The following HTR4 variants were observed in gnomAD, a reference collection of about 807,000 sequenced individuals.
HTR4 encodes 5-hydroxytryptamine receptor 4.
HTR4 carries 16 observed loss-of-function variants against 36.8 expected under a neutral mutation model. That is an observed-to-expected ratio of 0.43 (90% CI 0.29 to 0.66). HTR4 has a LOEUF of 0.66. Among genes scored for constraint, HTR4 ranks in the 30% least tolerant of loss-of-function variants. The pLI, the probability that HTR4 is intolerant of heterozygous loss-of-function variation, is 0.13. For synonymous variants in HTR4, 189 were observed against 185.1 expected (o/e 1.02, Z -0.17); for missense variants, 438 against 490.9 (o/e 0.89, Z 1.02).
At chr5:148,503,225 T>C (rs1371364576) in intron 6 of HTR4, among the ~76,000 whole-genome samples, 2 of 152,060 alleles carry the variant, frequency 1.3e-5, no homozygotes, top group Admixed American at 1.3e-4. Flanking sequence ...GGAAAAAATG[T>C]TAAGGGCAGC....
chr5:148,531,423 T>C (rs1258334504), intron 4 of HTR4, among the ~76,000 whole-genome samples: 2 of 152,194 alleles, frequency 1.3e-5, no homozygotes, highest in African/African-American at 4.8e-5. Flanking sequence ...CTCTCTTCTC[T>C]TGTCTGCCAC....
intron 5 of HTR4, chr5:148,521,111 G>A (rs920581775): frequency 2.0e-6 from 2 of 1,024,366 alleles, no homozygotes; most frequent in Non-Finnish European, 1.3e-6. Flanking sequence ...CACTTCTACA[G>A]CAAGTGCCTG....
At chr5:148,615,851 C>G (rs73270410) in intron 2 of HTR4, among the ~76,000 whole-genome samples, 2,743 of 152,220 alleles carry the variant, frequency 0.018, 79 homozygotes, top group African/African-American at 0.061. Flanking sequence ...ATTTCTCCAG[C>G]GGGAGCCAAA....
intron 6 of HTR4, among the ~76,000 whole-genome samples, chr5:148,487,758 C>T (rs1201098874): frequency 1.3e-5 from 2 of 148,278 alleles, no homozygotes; most frequent in Admixed American, 6.7e-5. Context: ...GAGATAGAGA[C>T]AGTAGAGAGA....
intron 5 of HTR4, among the ~76,000 whole-genome samples, chr5:148,515,294 T>G (rs959810379): frequency 8.5e-5 from 13 of 152,174 alleles, no homozygotes; most frequent in Admixed American, 8.5e-4. Context: ...GCCCCACGCC[T>G]GCCTTTTATG....
chr5:148,557,562 G>C lies in HTR4; in HGVS notation c.27-7300C>G, dbSNP rs568656784. ...TGCCAGCACTTCTATGGGATTTAGA[G>C]AACTGAGGAAGGATGTGATCACCCA... is the stretch of plus-strand genomic sequence containing the variant. On this transcript the variant is annotated intron_variant, in intron 2 of 6. Transcript: ENST00000377888. Among the ~76,000 whole-genome samples the C allele has an allele frequency of 5.9e-4, 90 of 152,016 alleles. 2 individuals are homozygous for C. The South Asian group carries it at 0.012, about 20-fold the overall frequency.
intron 2 of HTR4, among the ~76,000 whole-genome samples, chr5:148,621,367 T>C (rs1458490679): frequency 1.3e-5 from 2 of 152,190 alleles, no homozygotes; most frequent in African/African-American, 4.8e-5. Context: ...CTCTCTTAGC[T>C]GTCTTCTCTG....
intron 2 of HTR4, among the ~76,000 whole-genome samples, chr5:148,563,945 T>C (rs987430301): frequency 6.6e-6 from 1 of 152,118 alleles, no homozygotes; most frequent in African/African-American, 2.4e-5. Context: ...AATGAATGAA[T>C]GAATGAGCTA....
downstream of HTR4, among the ~76,000 whole-genome samples, chr5:148,476,989 G>A (rs75801289): frequency 2.0e-4 from 31 of 152,270 alleles, no homozygotes; most frequent in African/African-American, 6.7e-4. Flanking sequence ...GTGCAAATCC[G>A]AAGAGTTGAG....
chr5:148,638,043 T>TA (rs1272872274), intron 1 of HTR4, among the ~76,000 whole-genome samples: 5 of 113,688 alleles, frequency 4.4e-5, no homozygotes, highest in African/African-American at 1.5e-4. Context: ...CCTGGAAATC[T>TA]GTTATCTACA....
At chr5:148,610,689 T>C (rs6870413) in intron 2 of HTR4, among the ~76,000 whole-genome samples, 83,521 of 149,520 alleles carry the variant, frequency 0.56, 25,177 homozygotes, top group African/African-American at 0.81. Flanking sequence ...ATGACTTTGA[T>C]GAGCTGAGAG....
downstream of HTR4, among the ~76,000 whole-genome samples, chr5:148,479,219 C>T (rs1276446873): frequency 6.6e-6 from 1 of 152,038 alleles, no homozygotes; most frequent in African/African-American, 2.4e-5. Context: ...GACAGGCAGA[C>T]AGGTAGAATC....
At chr5:148,569,089 T>A (rs1760568606) in intron 2 of HTR4, among the ~76,000 whole-genome samples, 1 of 151,876 alleles carries the variant, frequency 6.6e-6, no homozygotes, top group South Asian at 2.1e-4. Context: ...TTTTTTTTTT[T>A]ATCAGAAGGA....
chr5:148,644,358 T>A (rs1298902752), intron 1 of HTR4, among the ~76,000 whole-genome samples: 2 of 150,114 alleles, frequency 1.3e-5, no homozygotes, highest in African/African-American at 4.9e-5. Flanking sequence ...AGTTTTTCTA[T>A]GAAAACCCTC....
chr5:148,523,511 A>G (rs1258709090), intron 4 of HTR4, among the ~76,000 whole-genome samples, 165 bp from the exon 5 acceptor site: 1 of 152,144 alleles, frequency 6.6e-6, no homozygotes, highest in Non-Finnish European at 1.5e-5. Flanking sequence ...GAGAATAAAA[A>G]TAAGGAAATA....
chr5:148,554,993 G>T (rs1490177427), intron 2 of HTR4, among the ~76,000 whole-genome samples: 1 of 151,346 alleles, frequency 6.6e-6, no homozygotes, highest in Non-Finnish European at 1.5e-5. Context: ...TTCTCTTTTG[G>T]GGCTTAATAT....
At chr5:148,519,600 C>G (rs1378710979) in intron 5 of HTR4, among the ~76,000 whole-genome samples, 1 of 152,128 alleles carries the variant, frequency 6.6e-6, no homozygotes, top group Non-Finnish European at 1.5e-5. Context: ...TATTTGTAAC[C>G]TCCTAAATCC....
chr5:148,595,425 A>T (rs551547869), intron 2 of HTR4, among the ~76,000 whole-genome samples: 1 of 151,966 alleles, frequency 6.6e-6, no homozygotes, highest in Non-Finnish European at 1.5e-5. Context: ...TACAAAAGAA[A>T]TTTTCCCATG....
intron 1 of HTR4, among the ~76,000 whole-genome samples, chr5:148,647,183 T>C (rs568194031): frequency 3.3e-4 from 51 of 152,350 alleles, no homozygotes; most frequent in African/African-American, 1.2e-3. Flanking sequence ...AGATAACTTA[T>C]GTGAAAGTCC....
Sources: gnomAD v4.1 joint callset for allele counts (sites outside exome capture counted in the v4.1 genomes callset) on GRCh38, gnomAD v4.1.1 for gene constraint, MANE v1.5 for transcripts, NCBI Gene and HGNC (gene_info 2026-07-23, HGNC 2026-07-21) for gene names.